Variants in ANXA4 observed in about 807,000 individuals in gnomAD.
ANXA4 encodes the protein annexin A4, also known as 35-beta calcimedin.
ANXA4 carries 39 observed loss-of-function variants against 49.8 expected under a neutral mutation model. The observed-to-expected ratio is 0.78, with a 90% CI of 0.61 to 1.02. ANXA4 has a LOEUF of 1.02. Ranked by LOEUF, ANXA4 falls within the 50% of genes least tolerant of loss-of-function variation. The probability of loss-of-function intolerance (pLI) is 0.00; values close to 1 mark genes in which losing one functional copy is unlikely to be tolerated. For missense variants in ANXA4, 360 were observed against 410.1 expected (o/e 0.88, Z 1.05); for synonymous variants, 134 against 152.5 (o/e 0.88, Z 0.89).
At chr2:69,811,932 A>G (rs765831338) in intron 7 of ANXA4, among the ~76,000 whole-genome samples, 4 of 152,132 alleles carry the variant, frequency 2.6e-5, no homozygotes, top group Non-Finnish European at 5.9e-5. Context: ...ACAGTATAAC[A>G]ATAAAAATAG....
chr2:69,820,640 G>T, intron 11 of ANXA4, 59 bp from the exon 12 acceptor site: 1 of 1,599,142 alleles, frequency 6.3e-7, no homozygotes, highest in African/African-American at 1.3e-5. Flanking sequence ...ATAGACTAAA[G>T]AAGACACTGA....
chr2:69,769,986 T>C (rs903462063), intron 1 of ANXA4, among the ~76,000 whole-genome samples: 1 of 152,190 alleles, frequency 6.6e-6, no homozygotes, highest in East Asian at 1.9e-4. Flanking sequence ...TTTTAATTAC[T>C]TGTGGATTGA....
intron 1 of ANXA4, among the ~76,000 whole-genome samples, chr2:69,745,827 G>A (rs929628456): frequency 1.3e-5 from 2 of 152,000 alleles, no homozygotes; most frequent in Non-Finnish European, 2.9e-5. Flanking sequence ...CACCACGCCC[G>A]GCTGAGAAAC....
intron 3 of ANXA4, among the ~76,000 whole-genome samples, chr2:69,723,921 G>A (rs183828671): frequency 5.7e-4 from 87 of 152,320 alleles, no homozygotes; most frequent in African/African-American, 2.1e-3. Context: ...AGCTGCAAGA[G>A]GCTTTCAAAA....
intron 2 of ANXA4, among the ~76,000 whole-genome samples, chr2:69,697,417 ATCT>A (rs993080343): frequency 3.9e-5 from 6 of 152,184 alleles, no homozygotes; most frequent in African/African-American, 1.4e-4. Flanking sequence ...TGCTGGTTTG[ATCT>A]TCTATCCAGC....
chr2:69,730,934 G>A (rs574772099), intron 3 of ANXA4, among the ~76,000 whole-genome samples: 58 of 152,276 alleles, frequency 3.8e-4, no homozygotes, highest in Admixed American at 1.1e-3. Context: ...AGTGCTGCTG[G>A]GTAAGGCAAA....
intron 1 of ANXA4, among the ~76,000 whole-genome samples, chr2:69,757,279 T>A (rs1369028250): frequency 1.3e-3 from 156 of 116,230 alleles, no homozygotes; most frequent in African/African-American, 6.7e-3. Flanking sequence ...TTTTTTTTTT[T>A]TTTTTTTTTT....
At position 69,706,292 on chromosome 2, in the gene ANXA4, C is replaced by CTTTTTT. The variant is rs916740716; in HGVS notation, n.767-14458_767-14453dup. ...ATATAGTAGCACATTGGTACAATTC[C>CTTTTTT]TTTTTTTTTTTTTTTTTTTTTTTTT... On this transcript the variant is annotated intron_variant and non_coding_transcript_variant, in intron 2 of 3. Coordinates refer to the ANXA4 transcript ENST00000418066. 2.5e-4 allele frequency among the ~76,000 whole-genome samples: 15 copies of CTTTTTT among 59,312 alleles called. 1 individual carries two copies. The highest frequency in any genetic ancestry group is 3.5e-4 in the Non-Finnish European group (12 of 33,982). The allele number at this position is 59,312 out of a possible 152,430, so 38.9% of individuals were successfully genotyped here. A position where few individuals can be genotyped will look rare whatever the true frequency, so the allele number is the denominator to read the frequency against.
intron 1 of ANXA4, among the ~76,000 whole-genome samples, chr2:69,750,738 T>C (rs1377740718): frequency 6.6e-6 from 1 of 152,208 alleles, no homozygotes; most frequent in Non-Finnish European, 1.5e-5. Flanking sequence ...AATGGTCTGA[T>C]TGGTTCCAGT....
At chr2:69,717,653 CTT>C (rs889855489) in intron 2 of ANXA4, among the ~76,000 whole-genome samples, 2 of 152,152 alleles carry the variant, frequency 1.3e-5, no homozygotes, top group African/African-American at 4.8e-5. Context: ...TAACTGGAAA[CTT>C]TGCTTTTCTT....
At chr2:69,793,224 T>A (rs1672775718) in intron 3 of ANXA4, among the ~76,000 whole-genome samples, 2 of 139,492 alleles carry the variant, frequency 1.4e-5, no homozygotes, top group Non-Finnish European at 1.5e-5. Flanking sequence ...TGCACTCCAG[T>A]CTGGCGACAG....
At chr2:69,715,980 C>T (rs1163296703) in intron 2 of ANXA4, among the ~76,000 whole-genome samples, 1 of 152,210 alleles carries the variant, frequency 6.6e-6, no homozygotes, top group African/African-American at 2.4e-5. Flanking sequence ...GCACACGTCA[C>T]CAGCCAGGCT....
intron 2 of ANXA4, among the ~76,000 whole-genome samples, chr2:69,663,293 C>CTTTTTTTTTTTT (rs55970370): frequency 2.3e-5 from 1 of 42,836 alleles, no homozygotes; most frequent in Non-Finnish European, 4.1e-5. Flanking sequence ...TGCACCCGGC[C>CTTTTTTTTTTTT]TTTTTTTTTT....
At chr2:69,791,568 G>T (rs1056823737) in intron 3 of ANXA4, among the ~76,000 whole-genome samples, 1 of 152,086 alleles carries the variant, frequency 6.6e-6, no homozygotes, top group Non-Finnish European at 1.5e-5. Flanking sequence ...AAGTTTTTTT[G>T]ACTCTAAAAA....
At chr2:69,731,170 T>C (rs1203885755) in intron 3 of ANXA4, among the ~76,000 whole-genome samples, 1 of 152,238 alleles carries the variant, frequency 6.6e-6, no homozygotes, top group Non-Finnish European at 1.5e-5. Context: ...TTGAGACTTA[T>C]TTCCTGGAGG....
chr2:69,764,504 A>G (rs1306330544), intron 1 of ANXA4, among the ~76,000 whole-genome samples: 1 of 152,176 alleles, frequency 6.6e-6, no homozygotes, highest in Non-Finnish European at 1.5e-5. Context: ...TTGCTAAGTG[A>G]TGGATAACAG....
chr2:69,771,905 A>G (rs1386367220), intron 1 of ANXA4, among the ~76,000 whole-genome samples: 1 of 152,176 alleles, frequency 6.6e-6, no homozygotes, highest in Admixed American at 6.6e-5. Context: ...TGTAACTGCT[A>G]TTGAGATAGG....
intron 1 of ANXA4, among the ~76,000 whole-genome samples, chr2:69,751,161 A>C (rs1024839748): frequency 6.6e-6 from 1 of 151,882 alleles, no homozygotes; most frequent in East Asian, 1.9e-4. Context: ...GACGAGCTTC[A>C]CAGCCAGGAT....
chr2:69,707,664 C>T lies in ANXA4; in HGVS notation n.767-13110C>T, dbSNP rs570767891. 1.9e-4 allele frequency among the ~76,000 whole-genome samples: 29 copies of T among 152,310 alleles called. No individual in the cohort carries two copies. In the South Asian group the frequency reaches 4.1e-3, roughly 22 times the overall value. ...GAGATGTTTTGATACAGGCATGCTA[C>T]GCATAACAATCGCATCATATAAAAT... On this transcript the variant is annotated intron_variant and non_coding_transcript_variant, in intron 2 of 3. Transcript: ENST00000418066.
Sources: allele counts gnomAD v4.1 joint callset (sites outside exome capture counted in the v4.1 genomes callset), GRCh38; gene constraint gnomAD v4.1.1; transcripts MANE v1.5; gene names NCBI Gene and HGNC (gene_info 2026-07-23, HGNC 2026-07-21).